The following ZNF682 variants were observed in gnomAD, a reference collection of about 807,000 sequenced individuals.
ZNF682 encodes zinc finger protein 682.
In ZNF682, 29 loss-of-function variants were observed where a neutral mutation model predicts 36.5. The ratio of observed to expected loss-of-function variants is 0.80; its 90% CI spans 0.59 to 1.08. The LOEUF (loss-of-function observed/expected upper bound fraction) is 1.08, where lower values mean the gene tolerates loss of function less well. ZNF682 is among the 50% of genes least tolerant of loss of function. The pLI is 0.00. For missense variants in ZNF682, 561 were observed against 579.7 expected (o/e 0.97, Z 0.33); for synonymous variants, 180 against 197.0 (o/e 0.91, Z 0.72).
At chr19:20,019,402 G>T (rs914318232) in intron 3 of ZNF682, among the ~76,000 whole-genome samples, 10 of 152,116 alleles carry the variant, frequency 6.6e-5, no homozygotes, top group African/African-American at 2.2e-4. Context: ...AATCCTATTT[G>T]ATACTGTTCT....
intron 1 of ZNF682, among the ~76,000 whole-genome samples, chr19:20,033,253 A>G (rs2088496178): frequency 6.6e-6 from 1 of 152,042 alleles, no homozygotes. Context: ...AGCCTGGGTG[A>G]CAGAGGGAGA....
At chr19:20,002,993 A>G (rs551114248), downstream of ZNF682, among the ~76,000 whole-genome samples, 20 of 151,966 alleles carry the variant, frequency 1.3e-4, no homozygotes, top group Non-Finnish European at 2.6e-4. Context: ...AATGGAGACC[A>G]TCCTGGCTAA....
At chr19:20,000,585 G>A (rs1315256637), downstream of ZNF682, among the ~76,000 whole-genome samples, 1 of 152,158 alleles carries the variant, frequency 6.6e-6, no homozygotes, top group Non-Finnish European at 1.5e-5. Context: ...TGAAACTCTT[G>A]TGGGTCTGTC....
At chr19:20,015,362 ATAAT>A (rs1396308334) in intron 3 of ZNF682, 1 of 985,018 alleles carries the variant, frequency 1.0e-6, no homozygotes, top group African/African-American at 1.7e-5. Context: ...AAACACAGAG[ATAAT>A]TAAATTGGTA....
At chr19:20,025,695 AAAAAG>A (rs2088425316) in intron 1 of ZNF682, among the ~76,000 whole-genome samples, 1 of 152,226 alleles carries the variant, frequency 6.6e-6, no homozygotes, top group East Asian at 1.9e-4. Context: ...AGAAAAAAAA[AAAAAG>A]AAATTAACAT....
chr19:20,039,210 T>A, intron 1 of ZNF682, 133 bp downstream of exon 1: 1 of 1,457,104 alleles, frequency 6.9e-7, no homozygotes, highest in Non-Finnish European at 9.1e-7. Context: ...ACGGCCGAGC[T>A]GTGCCTGCCG....
At chr19:20,027,906 G>A (rs1404933088) in intron 1 of ZNF682, among the ~76,000 whole-genome samples, 1 of 152,096 alleles carries the variant, frequency 6.6e-6, no homozygotes, top group East Asian at 1.9e-4. Flanking sequence ...GGGTGACGGA[G>A]TGAGACTGTC....
intron 1 of ZNF682, among the ~76,000 whole-genome samples, chr19:20,036,276 T>C (rs993044): frequency 0.78 from 119,284 of 151,976 alleles, 46,964 homozygotes; most frequent in Middle Eastern, 0.88. Flanking sequence ...TACCCTTCTG[T>C]ATCTGTGACC....
intron 3 of ZNF682, among the ~76,000 whole-genome samples, chr19:20,008,357 C>A (rs945881559): frequency 2.6e-5 from 4 of 152,198 alleles, no homozygotes; most frequent in African/African-American, 7.2e-5. Context: ...TTGGGACAAG[C>A]CTAGCCAATT....
Position 19,997,297 on chromosome 19 carries a change from C to A in ZNF682, c.227-34G>T, listed in dbSNP as rs1028472978. On this transcript the variant is annotated intron_variant, in intron 3 of 3. Transcript: ENST00000596019. ...GAAATGAGCTATGTCCCCATCTCAG[C>A]CTAGCATAGACAATGGCTACAGCAA... 6.0e-5 allele frequency: 24 copies of A among 398,614 alleles called. No homozygotes were observed. The East Asian group carries it at 8.5e-4, about 14-fold the overall frequency. 24.7% of individuals were successfully genotyped at this position (398,614 alleles called of 1,614,324 possible).
intron 3 of ZNF682, among the ~76,000 whole-genome samples, chr19:19,999,373 G>C (rs1161795393): frequency 6.6e-6 from 1 of 152,012 alleles, no homozygotes; most frequent in Non-Finnish European, 1.5e-5. Flanking sequence ...TTTTCCTAAT[G>C]ACAAGAAACA....
At chr19:20,026,461 G>T (rs904088274) in intron 1 of ZNF682, among the ~76,000 whole-genome samples, 3 of 151,932 alleles carry the variant, frequency 2.0e-5, no homozygotes, top group Non-Finnish European at 2.9e-5. Flanking sequence ...GACACAAAGA[G>T]AACTTTATTT....
At chr19:20,023,215 A>C (rs931269428) in intron 2 of ZNF682, 116 bp from the exon 3 acceptor site, 9 of 966,232 alleles carry the variant, frequency 9.3e-6, no homozygotes, top group Non-Finnish European at 1.4e-5. Flanking sequence ...AATTAATAAT[A>C]AGGACAGGCG....
chr19:20,032,369 G>A (rs990054910), intron 1 of ZNF682, among the ~76,000 whole-genome samples: 1 of 152,184 alleles, frequency 6.6e-6, no homozygotes, highest in Non-Finnish European at 1.5e-5. Context: ...GAAGATGCCA[G>A]GGACATTGAA....
At chr19:20,013,614 C>G (rs1371736558) in intron 3 of ZNF682, among the ~76,000 whole-genome samples, 1 of 152,072 alleles carries the variant, frequency 6.6e-6, no homozygotes, top group Non-Finnish European at 1.5e-5. Flanking sequence ...GAGTTTCGCT[C>G]TTGTTGCCCA....
At chr19:20,032,460 T>G (rs1283394855) in intron 1 of ZNF682, among the ~76,000 whole-genome samples, 2 of 152,106 alleles carry the variant, frequency 1.3e-5, no homozygotes, top group African/African-American at 4.8e-5. Context: ...GGACTATAGA[T>G]CACAAATAGG....
In ZNF682 at chr19:20,004,991, C is replaced by G. The variant is rs893900783; in HGVS notation, c.*1014G>C. On this transcript the variant is annotated 3_prime_UTR_variant, in exon 4 of 4. Transcript: ENST00000397165. ...AGTGTTAGCGTCTTAGTGGTTTCTA[C>G]TGTGAATCTTCTGATGTTCATTTAG... 5 of 152,168 alleles carry G rather than the reference C, an allele frequency of 3.3e-5. No individual in the cohort carries two copies. The highest frequency in any genetic ancestry group is 1.2e-4 in the African/African-American group (5 of 41,460). 9.4% of individuals were successfully genotyped at this position (152,168 alleles called of 1,614,324 possible). A position where few individuals can be genotyped will look rare whatever the true frequency, so the allele number is the denominator to read the frequency against.
At chr19:20,031,719 G>A (rs1440418281) in intron 1 of ZNF682, among the ~76,000 whole-genome samples, 1 of 152,128 alleles carries the variant, frequency 6.6e-6, no homozygotes, top group East Asian at 1.9e-4. Context: ...GAGGTGGGCG[G>A]ATCACGAGGT....
At chr19:20,008,566 C>T (rs922515434) in intron 3 of ZNF682, among the ~76,000 whole-genome samples, 1 of 152,208 alleles carries the variant, frequency 6.6e-6, no homozygotes. Flanking sequence ...CAGACACATT[C>T]CATAACCCAT....
Sources: gnomAD v4.1 joint callset for allele counts (sites outside exome capture counted in the v4.1 genomes callset) on GRCh38, gnomAD v4.1.1 for gene constraint, MANE v1.5 for transcripts, NCBI Gene and HGNC (gene_info 2026-07-23, HGNC 2026-07-21) for gene names.